The following CAMKMT variants were observed in gnomAD, a reference collection of about 807,000 sequenced individuals.
The protein encoded by CAMKMT is CaM KMT.
A neutral mutation model predicts 48.0 loss-of-function variants in CAMKMT; 53 were observed. The observed-to-expected ratio is 1.10, with a 90% CI of 0.89 to 1.39. The LOEUF is 1.39. CAMKMT is among the 40% of genes most tolerant of loss of function. The pLI is 0.00. For synonymous variants in CAMKMT, 165 were observed against 152.3 expected (o/e 1.08, Z -0.61); for missense variants, 428 against 402.7 (o/e 1.06, Z -0.54).
intron 3 of CAMKMT, among the ~76,000 whole-genome samples, chr2:44,424,246 G>A (rs941229254): frequency 3.3e-5 from 5 of 151,584 alleles, no homozygotes; most frequent in Non-Finnish European, 5.9e-5. Context: ...GGGAGCGGTC[G>A]CAGACAAAAC....
rs140959247 is a variant in CAMKMT at position 44,675,060 on chromosome 2, C to T, written c.377-29223C>T. Among the ~76,000 whole-genome samples, 633 of 149,462 alleles carry T rather than the reference C, an allele frequency of 4.2e-3. 6 individuals carry two copies. Among genetic ancestry groups the T allele is most frequent in the African/African-American group, 0.015 (603 of 40,314 alleles). On this transcript the variant is annotated intron_variant, in intron 3 of 10. Transcript: ENST00000378494. Reference sequence around the variant, plus strand: ...CTTCTTTTCTGTTTGCAAACATGCTCGGGATTTACCAACCTTAAGGGGGGG... The same window carrying T: ...CTTCTTTTCTGTTTGCAAACATGCTTGGGATTTACCAACCTTAAGGGGGGG...
chr2:44,612,019 T>G (rs1296295367), intron 3 of CAMKMT, among the ~76,000 whole-genome samples: 1 of 152,118 alleles, frequency 6.6e-6, no homozygotes, highest in African/African-American at 2.4e-5. Context: ...CAACATGAGA[T>G]TTCAGTGGGG....
At chr2:44,502,222 T>TA (rs202077757) in intron 3 of CAMKMT, among the ~76,000 whole-genome samples, 1,698 of 146,974 alleles carry the variant, frequency 0.012, 34 homozygotes, top group African/African-American at 0.04. Context: ...ACTCTGTCTT[T>TA]AAAAAAAAAA....
chr2:44,699,842 C>T (rs1023829930), intron 3 of CAMKMT, among the ~76,000 whole-genome samples: 3 of 152,140 alleles, frequency 2.0e-5, no homozygotes, highest in African/African-American at 7.2e-5. Context: ...AACTTAGTCA[C>T]CAGCCGCACT....
At chr2:44,533,933 TG>T (rs1251050119) in intron 3 of CAMKMT, among the ~76,000 whole-genome samples, 1 of 152,240 alleles carries the variant, frequency 6.6e-6, no homozygotes, top group African/African-American at 2.4e-5. Flanking sequence ...ACATAGAGGC[TG>T]GCTGAATGAA....
In CAMKMT at chr2:44,633,142, G is replaced by A. The variant is rs1672933240; in HGVS notation, c.377-71141G>A. The stretch of plus-strand genomic sequence containing the variant: ...TGGCTTCTATTATTTCTGACGAGAA[G>A]TCAAAAGTACACCCATTTTTGTTAT... On this transcript the variant is annotated intron_variant, in intron 3 of 10. Transcript: ENST00000378494. Among the ~76,000 whole-genome samples the A allele has an allele frequency of 2.6e-5, 4 of 152,214 alleles. No individual in the cohort carries two copies. In the South Asian group the frequency reaches 8.3e-4, roughly 32 times the overall value.
chr2:44,402,055 G>A (rs930604886), intron 3 of CAMKMT, among the ~76,000 whole-genome samples: 1 of 152,094 alleles, frequency 6.6e-6, no homozygotes, highest in Non-Finnish European at 1.5e-5. Flanking sequence ...GGCCGGGCGC[G>A]GTGGCTCACG....
intron 8 of CAMKMT, among the ~76,000 whole-genome samples, chr2:44,744,016 T>C (rs1679819166): frequency 6.6e-6 from 1 of 152,108 alleles, no homozygotes; most frequent in Admixed American, 6.5e-5. Flanking sequence ...CGGAGAGGAA[T>C]AGTCTGGAGA....
At chr2:44,656,269 A>C (rs1674372367) in intron 3 of CAMKMT, among the ~76,000 whole-genome samples, 1 of 152,216 alleles carries the variant, frequency 6.6e-6, no homozygotes, top group African/African-American at 2.4e-5. Context: ...GGAAGAGGTG[A>C]ATGTGTGTTT....
At chr2:44,548,237 C>G (rs890215189) in intron 3 of CAMKMT, among the ~76,000 whole-genome samples, 1 of 152,178 alleles carries the variant, frequency 6.6e-6, no homozygotes. Flanking sequence ...TCATTCCTGA[C>G]TCTGTTGGGT....
intron 3 of CAMKMT, among the ~76,000 whole-genome samples, chr2:44,678,420 C>T (rs895450883): frequency 2.0e-5 from 3 of 152,150 alleles, no homozygotes; most frequent in African/African-American, 4.8e-5. Flanking sequence ...GCTGCTTACT[C>T]ATCAGTGAAC....
At chr2:44,462,004 C>T (rs1667872282) in intron 3 of CAMKMT, among the ~76,000 whole-genome samples, 1 of 152,128 alleles carries the variant, frequency 6.6e-6, no homozygotes, top group African/African-American at 2.4e-5. Context: ...GTAGCAAATG[C>T]TTACATATTT....
At chr2:44,533,048 A>G (rs892025539) in intron 3 of CAMKMT, among the ~76,000 whole-genome samples, 1 of 151,936 alleles carries the variant, frequency 6.6e-6, no homozygotes, top group Non-Finnish European at 1.5e-5. Context: ...TCCTGACTTC[A>G]GGTGATTCAC....
intron 3 of CAMKMT, among the ~76,000 whole-genome samples, chr2:44,562,836 C>A (rs568916628): frequency 6.6e-6 from 1 of 152,184 alleles, no homozygotes; most frequent in Non-Finnish European, 1.5e-5. Context: ...GCTGGGATTA[C>A]AGGCGTGAGC....
At chr2:44,430,044 A>G in intron 3 of CAMKMT, among the ~76,000 whole-genome samples, 1 of 152,042 alleles carries the variant, frequency 6.6e-6, no homozygotes, top group East Asian at 1.9e-4. Context: ...TTGGGGGGAA[A>G]TTATGACTTC....
At chr2:44,450,004 A>T (rs375066522) in intron 3 of CAMKMT, among the ~76,000 whole-genome samples, 2 of 152,296 alleles carry the variant, frequency 1.3e-5, no homozygotes, top group African/African-American at 4.8e-5. Flanking sequence ...TGCTCAAGTG[A>T]CTTGAATGCT....
At chr2:44,726,818 T>G (rs1678814214) in intron 7 of CAMKMT, among the ~76,000 whole-genome samples, 1 of 152,226 alleles carries the variant, frequency 6.6e-6, no homozygotes, top group Admixed American at 6.5e-5. Context: ...AGGGGTCCAA[T>G]TTTATTCTTC....
At chr2:44,623,045 T>C (rs978566945) in intron 3 of CAMKMT, among the ~76,000 whole-genome samples, 2 of 152,106 alleles carry the variant, frequency 1.3e-5, no homozygotes, top group African/African-American at 4.8e-5. Context: ...CAGTGTGAGA[T>C]GGTATGTCGG....
intron 3 of CAMKMT, chr2:44,456,865 C>T (rs1667590630): frequency 5.1e-6 from 2 of 394,554 alleles, no homozygotes; most frequent in South Asian, 4.2e-5. Context: ...GTCTGGGATA[C>T]TAACTCTTAA....
Sources: gnomAD v4.1 joint callset for allele counts (sites outside exome capture counted in the v4.1 genomes callset) on GRCh38, gnomAD v4.1.1 for gene constraint, MANE v1.5 for transcripts, NCBI Gene and HGNC (gene_info 2026-07-23, HGNC 2026-07-21) for gene names.